ZNF467: variants seen among roughly 807,000 people sequenced by gnomAD.
ZNF467 encodes zinc finger protein EZI.
ZNF467 carries 51 observed loss-of-function variants against 47.8 expected under a neutral mutation model. That is an observed-to-expected ratio of 1.07 (90% CI 0.85 to 1.35). The LOEUF is 1.35. ZNF467 is among the 40% of genes most tolerant of loss of function. ZNF467 has a pLI of 0.00. For synonymous variants in ZNF467, 416 were observed against 372.9 expected, an observed-to-expected ratio of 1.12 and a Z score of -1.33; for missense variants, 992 against 858.1, an observed-to-expected ratio of 1.16 and a Z score of -1.95.
At chr7:149,768,755 A>C (rs1328159882) in intron 4 of ZNF467, among the ~76,000 whole-genome samples, 1 of 152,222 alleles carries the variant, frequency 6.6e-6, no homozygotes, top group Non-Finnish European at 1.5e-5. Flanking sequence ...AATGTTGATC[A>C]AAGCCATGTA....
intron 1 of ZNF467, among the ~76,000 whole-genome samples, chr7:149,771,306 G>A (rs1444477652): frequency 2.0e-5 from 3 of 152,166 alleles, no homozygotes; most frequent in Non-Finnish European, 2.9e-5. Context: ...AACCAGCCGC[G>A]CCACCCCCTC....
At chr7:149,775,439 G>A (rs1043650007), upstream of ZNF467, among the ~76,000 whole-genome samples, 6 of 152,212 alleles carry the variant, frequency 3.9e-5, no homozygotes, top group Non-Finnish European at 8.8e-5. Flanking sequence ...AGAAGTTCAA[G>A]GCTGGAAGAC....
chr7:149,774,053 G>C (rs1384796821), upstream of ZNF467, among the ~76,000 whole-genome samples: 3 of 152,010 alleles, frequency 2.0e-5, no homozygotes, highest in East Asian at 1.9e-4. This position sits in a 1 kb window ranked among gnomAD's most constrained non-coding sequence, Gnocchi z 5.7. Context: ...AGGCTGGGAC[G>C]GGGCTGGGCG....
At chr7:149,771,118 C>T (rs1182619281) in intron 1 of ZNF467, 44 bp from the exon 2 acceptor site, 1 of 1,573,546 alleles carries the variant, frequency 6.4e-7, no homozygotes, top group Non-Finnish European at 8.7e-7. Context: ...CCCACGCCAG[C>T]TTCCACCTGG....
chr7:149,770,170 T>G (rs1799348442), intron 3 of ZNF467, among the ~76,000 whole-genome samples: 2 of 151,720 alleles, frequency 1.3e-5, no homozygotes, highest in Admixed American at 6.5e-5. Flanking sequence ...AGAAATTTCC[T>G]TATTTATTGT....
chr7:149,766,121 C>CGGG lies in ZNF467; in HGVS notation c.380_381insCCC (p.Leu127_Gly128insPro). 2 of 1,606,822 alleles carry CGGG rather than the reference C, an allele frequency of 1.2e-6. No homozygotes were observed. The highest frequency in any genetic ancestry group is 1.7e-6 in the Non-Finnish European group (2 of 1,175,154). On this transcript the variant is annotated inframe_insertion, in exon 5 of 5. Coordinates refer to ENST00000302017, the MANE Select transcript of ZNF467 (RefSeq NM_207336.3). ...GTTTGTACGCGGCAGCCAGATGCCCCAGGTCAGGCGCGGGAAAGGGGCTGG... is the reference window on the plus strand; with the variant it reads ...GTTTGTACGCGGCAGCCAGATGCCCCGGGAGGTCAGGCGCGGGAAAGGGGCTGG...
At chr7:149,776,423 C>T (rs1228393128), upstream of ZNF467, 1 of 1,356,170 alleles carries the variant, frequency 7.4e-7, no homozygotes, top group East Asian at 4.7e-5. Context: ...GTACCCTGTG[C>T]CAGCCTCGAC....
At position 149,766,237 on chromosome 7, in the gene ZNF467, C is replaced by T. The variant is rs781622959; in HGVS notation, c.265G>A (p.Glu89Lys). ...TTCACCTTCCGAATCATCCACTCCT[C>T]TCCTGGAAAGTCAAAACAAGAATTG... ...KAQPVGTCPGEEWMIRKVKVE... is the reference protein window; with the variant it reads ...KAQPVGTCPGKEWMIRKVKVE... Residue 89 changes from glutamate (E) to lysine (K), a missense_variant and splice_region_variant, in exon 5 of 5, where the codon GAG becomes AAG. By Grantham distance (56) the Glu-to-Lys change is moderately conservative. Transcript: ENST00000302017. 5.3e-6 allele frequency: 8 copies of T among 1,515,232 alleles called. No homozygotes were observed. Among genetic ancestry groups the T allele is most frequent in the Non-Finnish European group, 6.2e-6 (7 of 1,131,474 alleles). The allele number at this position is 1,515,232 out of a possible 1,614,324, so 93.9% of individuals were successfully genotyped here.
intron 4 of ZNF467, 118 bp from the exon 5 acceptor site, chr7:149,766,357 C>G: frequency 6.9e-7 from 1 of 1,452,216 alleles, no homozygotes; most frequent in Non-Finnish European, 9.0e-7. Flanking sequence ...CTCTACCTAA[C>G]GCTTCCCGGG....
chr7:149,767,034 G>A (rs1799245537), intron 4 of ZNF467, among the ~76,000 whole-genome samples: 1 of 152,242 alleles, frequency 6.6e-6, no homozygotes, highest in African/African-American at 2.4e-5. Context: ...CCGCTGGAGT[G>A]TTGCCCCTGT....
In ZNF467 at chr7:149,770,990, C is replaced by T. The variant is rs778295801; in HGVS notation, c.34+9G>A. On this transcript the variant is annotated intron_variant, in intron 2 of 4. Transcript: ENST00000302017. ...TTTTCCCCAAGTCCCTTCATTTCTG[C>T]CAGCTCACCCAGGGAGCTGAGGGCC... 6.2e-7 allele frequency: 1 copy of T among 1,614,062 alleles called. No individual in the cohort carries two copies. The highest frequency in any genetic ancestry group is 1.1e-5 in the South Asian group (1 of 91,086).
upstream of ZNF467, chr7:149,776,201 C>A (rs533317541): frequency 1.8e-3 from 1,972 of 1,071,112 alleles, 4 homozygotes; most frequent in Non-Finnish European, 2.0e-3. Context: ...ATCCTCCCTC[C>A]ACCCCCGCCA....
chr7:149,772,475 C>A (rs1799452661), intron 1 of ZNF467, among the ~76,000 whole-genome samples: 1 of 133,532 alleles, frequency 7.5e-6, no homozygotes. Context: ...GACCTTCCCG[C>A]GGGCCCTGCC....
rs1267426406 is a variant in ZNF467 at position 149,766,231 on chromosome 7, A to G, written c.271T>C (p.Trp91Arg). Residue 91 changes from tryptophan to arginine, a missense_variant, in exon 5 of 5, where the codon TGG becomes CGG. Trp to Arg is a moderately radical substitution (Grantham distance 101). Transcript: ENST00000302017. ...QPVGTCPGEE[W>R]MIRKVKVEDE... ...TCCACCTTCACCTTCCGAATCATCC[A>G]CTCCTCTCCTGGAAAGTCAAAACAA... 2 of 1,514,978 alleles carry G rather than the reference A, an allele frequency of 1.3e-6. No homozygotes were observed. The highest frequency in any genetic ancestry group is 1.8e-6 in the Non-Finnish European group (2 of 1,131,278). The allele number at this position is 1,514,978 out of a possible 1,614,324, so 93.8% of individuals were successfully genotyped here.
chr7:149,771,580 T>C lies in ZNF467; in HGVS notation c.-42-506A>G, dbSNP rs185129552. Among the ~76,000 whole-genome samples, 817 of 152,170 alleles carry C rather than the reference T, an allele frequency of 5.4e-3. 9 individuals are homozygous for C. Among genetic ancestry groups the C allele is most frequent in the African/African-American group, 0.019 (776 of 41,506 alleles). On this transcript the variant is annotated intron_variant, in intron 1 of 4. Coordinates refer to ENST00000302017, the MANE Select transcript of ZNF467 (RefSeq NM_207336.3). ...TGGGGAGGTCCTCGAGAGGATCCTC[T>C]TGTAGCTAGAAAATGATCGCCTCTT...
chr7:149,773,652 G>T (rs1799499290), upstream of ZNF467, among the ~76,000 whole-genome samples: 4 of 141,696 alleles, frequency 2.8e-5, no homozygotes, highest in Admixed American at 2.8e-4. Flanking sequence ...GGGTGGGGGG[G>T]TGGCGGGGAG....
In ZNF467 at chr7:149,769,038, CCCGT is replaced by C. The variant is rs1231902563; in HGVS notation, c.262+48_262+51del. 4 of 1,455,590 alleles carry C rather than the reference CCCGT, an allele frequency of 2.7e-6. No homozygotes were observed. Among genetic ancestry groups the C allele is most frequent in the Non-Finnish European group, 3.7e-6 (4 of 1,084,904 alleles). 90.2% of individuals were successfully genotyped at this position (1,455,590 alleles called of 1,614,324 possible). On this transcript the variant is annotated intron_variant, in intron 4 of 4. Coordinates refer to ENST00000302017, the MANE Select transcript of ZNF467 (RefSeq NM_207336.3). The surrounding 1 kb of genome is among the most constrained non-coding windows in gnomAD (Gnocchi z 5.3). Reference sequence around the variant, plus strand: ...ATAGCAGCTCCGGAGCTTGCTGGGCCCCGTTCCCTTGGCCTGAGCCCGTGGTGGG... The same window carrying C: ...ATAGCAGCTCCGGAGCTTGCTGGGCCTCCCTTGGCCTGAGCCCGTGGTGGG...
upstream of ZNF467, among the ~76,000 whole-genome samples, chr7:149,774,557 GC>G (rs1799523509): frequency 6.6e-6 from 1 of 152,198 alleles, no homozygotes; most frequent in African/African-American, 2.4e-5. The surrounding 1 kb of genome is among the most constrained non-coding windows in gnomAD (Gnocchi z 5.7). Flanking sequence ...AAGGATGAGT[GC>G]CTGGAAGAGC....
Position 149,765,259 on chromosome 7 carries a change from C to A in ZNF467, c.1243G>T (p.Gly415Ter). 2 of 1,463,226 alleles carry A rather than the reference C, an allele frequency of 1.4e-6. No homozygotes were observed. 90.6% of individuals were successfully genotyped at this position (1,463,226 alleles called of 1,614,324 possible). ...CGCTGGGGCACCACGGGATCGGATC[C>A]TGGGCCGCAGCCCGGTCCGCCAGGC... The part of the protein sequence containing the change: ...SAPGGPGCGP[G>*]SDPVVPQRAP... The change falls in exon 5 of 5, where the codon GGA becomes TGA. Residue 415 changes from glycine to a stop codon, truncating the protein, a stop_gained. Transcript: ENST00000302017. LOFTEE classifies it high-confidence loss of function.
Sources: allele counts gnomAD v4.1 joint callset (sites outside exome capture counted in the v4.1 genomes callset), GRCh38; gene constraint gnomAD v4.1.1; non-coding constraint Gnocchi (gnomAD v3.1); transcripts MANE v1.5; gene names NCBI Gene and HGNC (gene_info 2026-07-23, HGNC 2026-07-21).